PKP2: variants seen among roughly 807,000 people sequenced by gnomAD.
The protein encoded by PKP2 is plakophilin-2.
In PKP2, 73 loss-of-function variants were observed where a neutral mutation model predicts 83.4. The ratio of observed to expected loss-of-function variants is 0.88; its 90% confidence interval spans 0.72 to 1.06. The LOEUF (loss-of-function observed/expected upper bound fraction) is 1.06, where lower values mean the gene tolerates loss of function less well. Ranked by LOEUF, PKP2 falls within the 50% of genes least tolerant of loss-of-function variation. PKP2 has a pLI of 0.00. For synonymous variants in PKP2, 409 were observed against 430.4 expected (o/e 0.95, Z 0.62); for missense variants, 966 against 1,065.4 (o/e 0.91, Z 1.30).
chr12:32,807,801 G>GA lies in PKP2; in HGVS notation c.2014-5246dup, dbSNP rs542152698. 1.8e-3 allele frequency among the ~76,000 whole-genome samples: 275 copies of GA among 152,258 alleles called. 1 individual carries two copies. The highest frequency in any genetic ancestry group is 6.4e-3 in the African/African-American group (264 of 41,560). On this transcript the variant is annotated intron_variant, in intron 9 of 12. Transcript: ENST00000340811. ...TTTGTTTATGAAGGTTAGTTTGGCT[G>GA]AAAATGAAATTCTGGGTTGGAAATT... is the stretch of plus-strand genomic sequence containing the variant.
chr12:32,861,152 TA>T (rs1956794633), intron 4 of PKP2, among the ~76,000 whole-genome samples: 1 of 151,854 alleles, frequency 6.6e-6, no homozygotes, highest in Non-Finnish European at 1.5e-5. Context: ...TCCAACAAGA[TA>T]AAATTCACAA....
intron 5 of PKP2, among the ~76,000 whole-genome samples, chr12:32,841,580 C>A (rs1007819893): frequency 1.3e-5 from 2 of 152,184 alleles, no homozygotes; most frequent in African/African-American, 4.8e-5. Flanking sequence ...TAAAATGGTC[C>A]TATTGTAACT....
intron 7 of PKP2, 86 bp downstream of exon 7, chr12:32,823,959 G>T: frequency 1.2e-6 from 1 of 854,576 alleles, no homozygotes; most frequent in Non-Finnish European, 2.0e-6. Flanking sequence ...ATGAATCAGT[G>T]AATAAACCTA....
At chr12:32,796,408 A>G in intron 10 of PKP2, 110 bp from the exon 11 acceptor site, 1 of 1,015,496 alleles carries the variant, frequency 9.8e-7, no homozygotes, top group South Asian at 1.4e-5. Context: ...TTTGAGACGG[A>G]ATCTTGCTCT....
intron 6 of PKP2, among the ~76,000 whole-genome samples, chr12:32,839,722 T>C (rs1439474495): frequency 6.6e-6 from 1 of 152,198 alleles, no homozygotes; most frequent in African/African-American, 2.4e-5. Flanking sequence ...CTAAGAACTC[T>C]GTTTTATGTG....
intron 1 of PKP2, among the ~76,000 whole-genome samples, chr12:32,886,624 A>T (rs1018740103): frequency 6.6e-6 from 1 of 152,236 alleles, no homozygotes; most frequent in Non-Finnish European, 1.5e-5. Flanking sequence ...GAACAACCAG[A>T]TATTGATGGA....
At chr12:32,817,751 A>G (rs1956333274) in intron 9 of PKP2, among the ~76,000 whole-genome samples, 1 of 152,110 alleles carries the variant, frequency 6.6e-6, no homozygotes, top group African/African-American at 2.4e-5. Context: ...TTTAGGTTTC[A>G]TTCCTGTTGG....
chr12:32,880,291 T>C (rs1956973996), intron 1 of PKP2, among the ~76,000 whole-genome samples: 2 of 151,390 alleles, frequency 1.3e-5, no homozygotes, highest in African/African-American at 4.9e-5. Context: ...TCCCAGCTAC[T>C]CGGGAGGCTG....
At chr12:32,876,953 CTCA>C (rs2137942988) in intron 3 of PKP2, among the ~76,000 whole-genome samples, 1 of 152,250 alleles carries the variant, frequency 6.6e-6, no homozygotes, top group East Asian at 1.9e-4. Context: ...TAGATTAGCC[CTCA>C]TCATTTTGAG....
At chr12:32,872,543 A>C (rs533867881) in intron 3 of PKP2, among the ~76,000 whole-genome samples, 1 of 152,166 alleles carries the variant, frequency 6.6e-6, no homozygotes, top group African/African-American at 2.4e-5. Context: ...TCAAAAAAAA[A>C]CAAAACAAAA....
At chr12:32,848,926 T>C (rs1956671875) in intron 5 of PKP2, among the ~76,000 whole-genome samples, 1 of 151,874 alleles carries the variant, frequency 6.6e-6, no homozygotes, top group Non-Finnish European at 1.5e-5. Context: ...GCAAAATATA[T>C]TCAATTTACT....
At chr12:32,869,103 C>T (rs1227319593) in intron 3 of PKP2, 41 bp from the exon 4 acceptor site, 7 of 1,611,448 alleles carry the variant, frequency 4.3e-6, no homozygotes, top group Non-Finnish European at 5.9e-6. Context: ...TCCAAACCTC[C>T]CTCCTCCTGC....
At chr12:32,815,282 C>G (rs557973701) in intron 9 of PKP2, among the ~76,000 whole-genome samples, 1 of 152,310 alleles carries the variant, frequency 6.6e-6, no homozygotes, top group East Asian at 1.9e-4. Context: ...GATGTTCAAA[C>G]ATCTTAGTAT....
chr12:32,809,690 G>A (rs1038098146), intron 9 of PKP2, among the ~76,000 whole-genome samples: 17 of 152,126 alleles, frequency 1.1e-4, no homozygotes, highest in African/African-American at 3.1e-4. Context: ...TCTGTTTATT[G>A]GACCCAAGGC....
chr12:32,891,600 T>C (rs1343716737), intron 1 of PKP2, among the ~76,000 whole-genome samples: 1 of 152,214 alleles, frequency 6.6e-6, no homozygotes, highest in Admixed American at 6.5e-5. Context: ...AAAGCTACCC[T>C]CTGTTCCCAT....
chr12:32,890,088 A>AG (rs1042078036), intron 1 of PKP2, among the ~76,000 whole-genome samples: 7 of 151,182 alleles, frequency 4.6e-5, no homozygotes, highest in Non-Finnish European at 8.9e-5. Flanking sequence ...AAAAAAAAAA[A>AG]AAAAAAAAAG....
At chr12:32,818,433 C>T (rs183832175) in intron 9 of PKP2, among the ~76,000 whole-genome samples, 26 of 152,260 alleles carry the variant, frequency 1.7e-4, no homozygotes, top group Admixed American at 2.6e-4. Context: ...TGCACTCCAG[C>T]CTGGGCAACA....
intron 9 of PKP2, among the ~76,000 whole-genome samples, chr12:32,807,001 G>A (rs1339383109): frequency 2.6e-5 from 4 of 152,130 alleles, no homozygotes; most frequent in Non-Finnish European, 5.9e-5. Flanking sequence ...CAATTTCTAT[G>A]TACTTGTGTG....
chr12:32,797,729 T>C (rs900087238), intron 10 of PKP2, among the ~76,000 whole-genome samples: 6 of 151,474 alleles, frequency 4.0e-5, no homozygotes, highest in African/African-American at 1.2e-4. Context: ...CTAATTTTTT[T>C]GTATTTTTAG....
Sources: allele counts gnomAD v4.1 joint callset (sites outside exome capture counted in the v4.1 genomes callset), GRCh38; gene constraint gnomAD v4.1.1; transcripts MANE v1.5; gene names NCBI Gene and HGNC (gene_info 2026-07-23, HGNC 2026-07-21).